SLC45A4: variants seen among roughly 807,000 people sequenced by gnomAD.
SLC45A4 encodes solute carrier family 45 member 4, also known as polyamine-transporter SLC45A4.
Under a neutral mutation model 63.7 loss-of-function variants are expected in SLC45A4, and 32 were observed. That is an observed-to-expected ratio of 0.50 (90% CI 0.38 to 0.67). SLC45A4 has a LOEUF of 0.67. Ranked by LOEUF, SLC45A4 falls within the 30% of genes least tolerant of loss-of-function variation. The pLI is 0.00. For missense variants in SLC45A4, 1,027 were observed against 1,157.7 expected (o/e 0.89, Z 1.64); for synonymous variants, 535 against 510.0 (o/e 1.05, Z -0.66).
chr8:141,239,780 T>C (rs944042653), intron 2 of SLC45A4, among the ~76,000 whole-genome samples: 23 of 152,196 alleles, frequency 1.5e-4, no homozygotes, highest in African/African-American at 5.5e-4. Flanking sequence ...GCTGGGCTCA[T>C]GAGACTGGGC....
chr8:141,298,904 G>T (rs1219414178), intron 1 of SLC45A4, among the ~76,000 whole-genome samples: 7 of 152,118 alleles, frequency 4.6e-5, no homozygotes, highest in African/African-American at 1.7e-4. Flanking sequence ...ACTTTTCAGT[G>T]GGGGGTGGGG....
intron 2 of SLC45A4, among the ~76,000 whole-genome samples, chr8:141,250,141 A>G (rs545295127): frequency 2.6e-5 from 4 of 152,196 alleles, no homozygotes; most frequent in Non-Finnish European, 5.9e-5. Flanking sequence ...GCGACCTTCA[A>G]TATGCACTAC....
chr8:141,285,073 T>G (rs1222709788), intron 1 of SLC45A4, among the ~76,000 whole-genome samples: 1 of 151,922 alleles, frequency 6.6e-6, no homozygotes, highest in African/African-American at 2.4e-5. Context: ...GGGCCACTGG[T>G]TCCCAAGCAG....
chr8:141,212,845 G>C (rs941565696), intron 7 of SLC45A4, among the ~76,000 whole-genome samples: 1 of 152,224 alleles, frequency 6.6e-6, no homozygotes, highest in African/African-American at 2.4e-5. Flanking sequence ...GTCTCAAGGA[G>C]AGGTGGCAGG....
intron 2 of SLC45A4, among the ~76,000 whole-genome samples, chr8:141,240,829 C>T (rs1489959649): frequency 6.6e-6 from 1 of 152,230 alleles, no homozygotes; most frequent in Non-Finnish European, 1.5e-5. Context: ...CATCACCTGC[C>T]GTGCTGCAGT....
At chr8:141,299,069 C>T (rs1365959048) in intron 1 of SLC45A4, among the ~76,000 whole-genome samples, 2 of 152,316 alleles carry the variant, frequency 1.3e-5, no homozygotes, top group South Asian at 2.1e-4. Flanking sequence ...TGTCTAGCAG[C>T]GTGAGTGCTG....
At chr8:141,303,133 G>A (rs2154615496) in intron 1 of SLC45A4, among the ~76,000 whole-genome samples, 1 of 151,464 alleles carries the variant, frequency 6.6e-6, no homozygotes. Flanking sequence ...GAGTAGTTGG[G>A]ACCACTGATG....
In SLC45A4 at chr8:141,271,135, C is replaced by T. The variant is rs145433686; in HGVS notation, c.-400-16506G>A. 5.4e-3 allele frequency among the ~76,000 whole-genome samples: 821 copies of T among 152,358 alleles called. 9 individuals carry two copies. Among genetic ancestry groups the T allele is most frequent in the African/African-American group, 0.018 (758 of 41,590 alleles). On this transcript the variant is annotated intron_variant, in intron 1 of 8. Transcript: ENST00000517878. Reference sequence around the variant, plus strand: ...TTGCCCGCCTCCGGCGCCCAGCACACGGGGCTAACCCCACACATTATGGCT... The same window carrying T: ...TTGCCCGCCTCCGGCGCCCAGCACATGGGGCTAACCCCACACATTATGGCT...
chr8:141,281,843 C>T (rs779106474), intron 1 of SLC45A4, among the ~76,000 whole-genome samples: 9 of 152,200 alleles, frequency 5.9e-5, no homozygotes, highest in South Asian at 2.1e-4. Flanking sequence ...GTTTAGAAAA[C>T]GAAAACCTTA....
intron 2 of SLC45A4, chr8:141,225,177 CTTT>C (rs1029603333): frequency 1.3e-5 from 2 of 151,966 alleles, no homozygotes; most frequent in South Asian, 2.1e-4. Flanking sequence ...GTCGCCTTTT[CTTT>C]TTTAAAAAAA....
chr8:141,270,336 G>C (rs1291662124), intron 1 of SLC45A4, among the ~76,000 whole-genome samples: 1 of 150,506 alleles, frequency 6.6e-6, no homozygotes, highest in Non-Finnish European at 1.5e-5. Context: ...AGACCACCCT[G>C]GGCGACACAG....
At chr8:141,269,580 CTGTG>C (rs921033180) in intron 1 of SLC45A4, among the ~76,000 whole-genome samples, 1 of 146,080 alleles carries the variant, frequency 6.8e-6, no homozygotes, top group Non-Finnish European at 1.5e-5. Context: ...GCCTATGTGT[CTGTG>C]TGTGTGGGTG....
chr8:141,304,580 G>A (rs1335100950), intron 1 of SLC45A4, among the ~76,000 whole-genome samples: 2 of 149,242 alleles, frequency 1.3e-5, no homozygotes, highest in Non-Finnish European at 3.0e-5. Flanking sequence ...AAAAGGGGGG[G>A]AGAGAGAGAA....
rs770967606 is a variant in SLC45A4, at chr8:141,218,805, C to T, written c.835G>A (p.Gly279Ser). 1.2e-5 allele frequency: 19 copies of T among 1,612,960 alleles called. No individual in the cohort carries two copies. The highest frequency in any genetic ancestry group is 2.7e-5 in the African/African-American group (2 of 74,936). The change falls in exon 5 of 9, where the codon GGC becomes AGC. Residue 279 changes from glycine (G) to serine (S), a missense_variant. Transcript: ENST00000517878. ...PGALDGGEPH[G>S]VPAFPDEVQS... Reference sequence around the variant, plus strand: ...ACCTCGTCTGGGAAGGCAGGGACGCCGTGCGGCTCGCCCCCATCCAGGGCG... The same window carrying T: ...ACCTCGTCTGGGAAGGCAGGGACGCTGTGCGGCTCGCCCCCATCCAGGGCG...
chr8:141,262,291 C>T (rs2154614806), intron 1 of SLC45A4, among the ~76,000 whole-genome samples: 1 of 150,414 alleles, frequency 6.6e-6, no homozygotes, highest in South Asian at 2.2e-4. Flanking sequence ...CAATACCATT[C>T]AGGACATAGG....
At chr8:141,217,715 G>A (rs911865432) in intron 5 of SLC45A4, among the ~76,000 whole-genome samples, 73 of 152,322 alleles carry the variant, frequency 4.8e-4, no homozygotes, top group African/African-American at 1.7e-3. Flanking sequence ...CCGTTTTGGG[G>A]TAGTCTGACA....
rs555058329 is a variant in SLC45A4 at position 141,220,889 on chromosome 8, C to G, written c.430+688G>C. Among the ~76,000 whole-genome samples the G allele has an allele frequency of 2.2e-3, 330 of 152,348 alleles. 1 individual carries two copies. The highest frequency in any genetic ancestry group is 6.8e-3 in the Middle Eastern group (2 of 294). ...AGGGGGCCGGCAGCTCCGCGCCCAG[C>G]AGGCGCCAGGGCAGCCGCACCCCCA... is the stretch of plus-strand genomic sequence containing the variant. On this transcript the variant is annotated intron_variant, in intron 3 of 8. Transcript: ENST00000517878.
At chr8:141,241,774 C>G (rs1827931710) in intron 2 of SLC45A4, among the ~76,000 whole-genome samples, 1 of 152,100 alleles carries the variant, frequency 6.6e-6, no homozygotes, top group Admixed American at 6.5e-5. Flanking sequence ...GGGAGCCCAG[C>G]AATCCCCCCA....
chr8:141,217,964 G>A lies in SLC45A4; in HGVS notation c.1629+47C>T, dbSNP rs759869621. ...CAGCCCGTGAGCTTCTCCGTGAGCC[G>A]CAGGTGGGCAGAGAGAGCGGCCCCG... On this transcript the variant is annotated intron_variant, in intron 5 of 8. Coordinates refer to ENST00000517878, the MANE Select transcript of SLC45A4 (RefSeq NM_001286646.2). 24 of 1,531,692 alleles carry A rather than the reference G, an allele frequency of 1.6e-5. No homozygotes were observed. In the African/African-American group the frequency reaches 2.6e-4, roughly 17 times the overall value. 94.9% of individuals were successfully genotyped at this position (1,531,692 alleles called of 1,614,324 possible).
Sources: allele counts gnomAD v4.1 joint callset (sites outside exome capture counted in the v4.1 genomes callset), GRCh38; gene constraint gnomAD v4.1.1; transcripts MANE v1.5; gene names NCBI Gene and HGNC (gene_info 2026-07-23, HGNC 2026-07-21).